The following FHIP1A variants were observed in gnomAD, a reference collection of about 807,000 sequenced individuals.
The protein encoded by FHIP1A is FHF complex subunit HOOK interacting protein 1A.
FHIP1A carries 61 observed loss-of-function variants against 88.6 expected under a neutral mutation model. That is an observed-to-expected ratio of 0.69 (90% CI 0.56 to 0.85). The LOEUF (loss-of-function observed/expected upper bound fraction) is 0.85. Ranked by LOEUF, FHIP1A falls within the 40% of genes least tolerant of loss-of-function variation. The pLI is 0.00. For synonymous variants in FHIP1A, 478 were observed against 496.0 expected, an observed-to-expected ratio of 0.96 and a Z score of 0.48; for missense variants, 1,154 against 1,273.5, an observed-to-expected ratio of 0.91 and a Z score of 1.43.
chr4:151,655,683 C>T (rs541449315), intron 11 of FHIP1A, among the ~76,000 whole-genome samples: 1 of 152,194 alleles, frequency 6.6e-6, no homozygotes, highest in South Asian at 2.1e-4. Context: ...CCAAATTTTT[C>T]TCAGTGTGCT....
intron 4 of FHIP1A, among the ~76,000 whole-genome samples, chr4:151,568,695 T>C (rs1733483369): frequency 6.6e-6 from 1 of 152,098 alleles, no homozygotes; most frequent in African/African-American, 2.4e-5. Context: ...ACAAAATGAA[T>C]AACCATGATT....
At chr4:151,614,398 C>T (rs1171449461) in intron 7 of FHIP1A, among the ~76,000 whole-genome samples, 1 of 151,378 alleles carries the variant, frequency 6.6e-6, no homozygotes. Flanking sequence ...GACCCTGGGA[C>T]CTCGAGGCTA....
chr4:151,525,780 G>A (rs1014729512), intron 3 of FHIP1A, among the ~76,000 whole-genome samples: 13 of 111,370 alleles, frequency 1.2e-4, no homozygotes, highest in Non-Finnish European at 7.4e-5. Context: ...ATTTTTTATT[G>A]ATCATTCTTG....
intron 4 of FHIP1A, among the ~76,000 whole-genome samples, chr4:151,567,985 T>G (rs922300603): frequency 2.0e-5 from 3 of 152,154 alleles, no homozygotes; most frequent in Admixed American, 2.0e-4. Context: ...TGTGATATGA[T>G]CCATTTAGTA....
At chr4:151,632,533 G>A (rs759446951) in intron 8 of FHIP1A, among the ~76,000 whole-genome samples, 1 of 151,968 alleles carries the variant, frequency 6.6e-6, no homozygotes, top group African/African-American at 2.4e-5. Flanking sequence ...CAGGATATAC[G>A]GTTCTCCTCA....
chr4:151,453,782 G>T (rs745670680), intron 1 of FHIP1A, among the ~76,000 whole-genome samples: 1 of 151,842 alleles, frequency 6.6e-6, no homozygotes, highest in Non-Finnish European at 1.5e-5. Flanking sequence ...CGGAGGTGGC[G>T]GTTTTTGAAC....
chr4:151,470,172 T>A (rs897337494), intron 2 of FHIP1A, among the ~76,000 whole-genome samples: 4 of 152,180 alleles, frequency 2.6e-5, no homozygotes, highest in Admixed American at 2.6e-4. Context: ...AAGCCAGAGG[T>A]TAGTGCCTCA....
rs574755317 is a variant in FHIP1A, at chr4:151,503,622, A to T, written c.-123+20974A>T. ...AAAGAGAAAAGAAGAGAAAAAAATT[A>T]AAAAAAACCCAACTCATTCTCTTTC... On this transcript the variant is annotated intron_variant, in intron 3 of 13. Coordinates refer to ENST00000435205, the MANE Select transcript of FHIP1A (RefSeq NM_001109977.3). 3.1e-4 allele frequency among the ~76,000 whole-genome samples: 47 copies of T among 152,036 alleles called. No individual in the cohort carries two copies. In the South Asian group the frequency reaches 3.5e-3, roughly 11 times the overall value.
chr4:151,634,139 G>A (rs964679616), intron 8 of FHIP1A, among the ~76,000 whole-genome samples: 48 of 151,612 alleles, frequency 3.2e-4, no homozygotes, highest in African/African-American at 8.9e-4. Flanking sequence ...TGAACAATTC[G>A]AAAAGGAAAT....
At chr4:151,533,727 C>T (rs149302765) in intron 3 of FHIP1A, among the ~76,000 whole-genome samples, 13 of 152,250 alleles carry the variant, frequency 8.5e-5, no homozygotes, top group Admixed American at 3.9e-4. Context: ...AGGTAGCCTC[C>T]GGGAGTTCTG....
chr4:151,543,427 T>A (rs1181593321), intron 3 of FHIP1A, among the ~76,000 whole-genome samples: 1 of 152,194 alleles, frequency 6.6e-6, no homozygotes, highest in Non-Finnish European at 1.5e-5. Flanking sequence ...TTGTTTTGTA[T>A]CCTGCAGTCC....
intron 1 of FHIP1A, among the ~76,000 whole-genome samples, chr4:151,417,206 G>A (rs1031028075): frequency 6.6e-6 from 1 of 152,180 alleles, no homozygotes; most frequent in Non-Finnish European, 1.5e-5. Flanking sequence ...GCCCGAGCAA[G>A]CAGCTCATGG....
intron 1 of FHIP1A, among the ~76,000 whole-genome samples, chr4:151,418,237 G>A (rs1489617832): frequency 6.9e-6 from 1 of 145,934 alleles, no homozygotes; most frequent in Non-Finnish European, 1.5e-5. Flanking sequence ...ACTTTGATCT[G>A]TTTCAGGAAA....
chr4:151,541,760 C>T (rs1732299425), intron 3 of FHIP1A, among the ~76,000 whole-genome samples: 2 of 152,184 alleles, frequency 1.3e-5, no homozygotes, highest in Admixed American at 1.3e-4. Flanking sequence ...GACCTGGGCT[C>T]TGTCGGTAGT....
At chr4:151,660,157 G>T (rs73862080) in intron 13 of FHIP1A, among the ~76,000 whole-genome samples, 16,808 of 152,156 alleles carry the variant, frequency 0.11, 980 homozygotes, top group African/African-American at 0.13. Context: ...ATGGTGCTTG[G>T]TGACACACTG....
chr4:151,638,586 A>T (rs2126890970), intron 8 of FHIP1A, 91 bp from the exon 9 acceptor site: 2 of 717,938 alleles, frequency 2.8e-6, no homozygotes, highest in Non-Finnish European at 4.5e-6. Context: ...AAAGGCCATT[A>T]TATTTTGTAA....
rs59935750 is a variant in FHIP1A at position 151,504,562 on chromosome 4, T to TTTATGTTATGTTATGTTATG, written c.-123+21941_-123+21960dup. Among the ~76,000 whole-genome samples, 301 of 145,230 alleles carry TTTATGTTATGTTATGTTATG rather than the reference T, an allele frequency of 2.1e-3. 2 individuals carry two copies. Among genetic ancestry groups the TTTATGTTATGTTATGTTATG allele is most frequent in the African/African-American group, 7.3e-3 (282 of 38,772 alleles). On this transcript the variant is annotated intron_variant, in intron 3 of 13. Transcript: ENST00000435205. ...TTAGCTCATCTAGCTGGGAAAAAAT[T>TTTATGTTATGTTATGTTATG]TTATGTTATGTTATGTTATGTTATG...
At chr4:151,655,948 T>G (rs77780286) in intron 11 of FHIP1A, among the ~76,000 whole-genome samples, 8 of 151,122 alleles carry the variant, frequency 5.3e-5, no homozygotes, top group East Asian at 3.9e-4. Context: ...AAATTATTTG[T>G]TTTTTTTTCC....
intron 3 of FHIP1A, among the ~76,000 whole-genome samples, chr4:151,505,831 A>G (rs938678529): frequency 1.3e-5 from 2 of 152,208 alleles, no homozygotes; most frequent in African/African-American, 4.8e-5. Context: ...AAGATTACAC[A>G]AAAGATTTTC....
Sources: allele counts gnomAD v4.1 joint callset (sites outside exome capture counted in the v4.1 genomes callset), GRCh38; gene constraint gnomAD v4.1.1; transcripts MANE v1.5; gene names NCBI Gene and HGNC (gene_info 2026-07-23, HGNC 2026-07-21).